The following PHC3 variants were observed in gnomAD, a reference collection of about 807,000 sequenced individuals.
The protein encoded by PHC3 is polyhomeotic-like protein 3.
A neutral mutation model predicts 107.4 loss-of-function variants in PHC3; 13 were observed. The observed-to-expected ratio is 0.12, with a 90% CI of 0.08 to 0.19. PHC3 has a LOEUF of 0.19. Among genes scored for constraint, PHC3 ranks in the 10% least tolerant of loss-of-function variants. The pLI is 1.00. For synonymous variants in PHC3, 456 were observed against 427.4 expected, an observed-to-expected ratio of 1.07 and a Z score of -0.83; for missense variants, 992 against 1,210.9, an observed-to-expected ratio of 0.82 and a Z score of 2.68.
At chr3:170,125,636 C>T (rs61031563) in intron 8 of PHC3, among the ~76,000 whole-genome samples, 50 of 152,194 alleles carry the variant, frequency 3.3e-4, no homozygotes, top group African/African-American at 1.2e-3. Flanking sequence ...AGAGCCATAA[C>T]ACAAATAGCA....
chr3:170,111,303 AAGGAAGG>A (rs1717632479), intron 11 of PHC3, among the ~76,000 whole-genome samples: 1 of 143,488 alleles, frequency 7.0e-6, no homozygotes. Flanking sequence ...GGAAGGAAGG[AAGGAAGG>A]AAGGAAGGAA....
At chr3:170,117,773 G>GATCCACC (rs2108380544) in intron 9 of PHC3, among the ~76,000 whole-genome samples, 1 of 151,668 alleles carries the variant, frequency 6.6e-6, no homozygotes, top group South Asian at 2.1e-4. Flanking sequence ...CAAGGTGGGT[G>GATCCACC]GATCACCTGA....
Position 170,129,148 on chromosome 3 carries a change from G to A in PHC3, c.1324C>T (p.Leu442Phe). 6.2e-7 allele frequency: 1 copy of A among 1,613,932 alleles called. No homozygotes were observed. The highest frequency in any genetic ancestry group is 1.1e-5 in the South Asian group (1 of 91,076). ...IQPHPLVSSA[L>F]QPGPNLQQST... ...TGCTGCAAATTTGGCCCTGGCTGGA[G>A]AGCTGATGACACAAGAGGGTGTGGC... Residue 442 changes from leucine to phenylalanine, a missense_variant, in exon 8 of 15, where the codon CTC (leucine) becomes TTC (phenylalanine). Leu to Phe is a conservative substitution (Grantham distance 22, BLOSUM62 0). Around this residue, in one of 6 missense-constraint regions of PHC3, gnomAD observed 543 missense variants for 590.8 expected, o/e 0.92. Transcript: ENST00000495893.
At chr3:170,124,243 C>T (rs1410086103) in intron 8 of PHC3, among the ~76,000 whole-genome samples, 1 of 152,090 alleles carries the variant, frequency 6.6e-6, no homozygotes, top group African/African-American at 2.4e-5. Context: ...ATTTACTTAA[C>T]CATTATTTAT....
chr3:170,181,724 C>G lies in PHC3; in HGVS notation c.-9G>C, dbSNP rs371170050. The G allele has an allele frequency of 3.1e-6, 5 of 1,612,744 alleles. No homozygotes were observed. In the African/African-American group the frequency reaches 6.7e-5, roughly 22 times the overall value. ...CACTCCGCTTCCGCCATCTTCTCTC[C>G]TCCATCACTAACATGGGCTGCGCAT... is the stretch of plus-strand genomic sequence containing the variant. On this transcript the variant is annotated 5_prime_UTR_variant, in exon 1 of 15. Transcript: ENST00000495893.
chr3:170,160,599 A>G (rs1237812353), intron 4 of PHC3, among the ~76,000 whole-genome samples: 2 of 152,238 alleles, frequency 1.3e-5, no homozygotes, highest in African/African-American at 4.8e-5. Flanking sequence ...CTGCATTGCA[A>G]TAATCAAGAA....
chr3:170,179,511 G>C (rs1287620973), intron 1 of PHC3, among the ~76,000 whole-genome samples: 1 of 152,036 alleles, frequency 6.6e-6, no homozygotes, highest in Admixed American at 6.5e-5. Context: ...AGTCTACAAC[G>C]CTGTCCTTAC....
chr3:170,111,384 GAGAA>G (rs903756848), intron 11 of PHC3, among the ~76,000 whole-genome samples: 6 of 141,614 alleles, frequency 4.2e-5, no homozygotes, highest in East Asian at 2.0e-4. Context: ...AAGAAAGAGA[GAGAA>G]AGAAAGAGGA....
At chr3:170,099,219 T>C (rs1328986043) in intron 14 of PHC3, among the ~76,000 whole-genome samples, 2 of 152,200 alleles carry the variant, frequency 1.3e-5, no homozygotes, top group East Asian at 3.8e-4. Context: ...GAGATTCCTC[T>C]TCAAATATCC....
Position 170,097,278 on chromosome 3 carries a change from G to A in PHC3, c.2940C>T (p.Gly980=). 1 of 1,613,464 alleles carries A rather than the reference G, an allele frequency of 6.2e-7. No individual in the cohort carries two copies. The highest frequency in any genetic ancestry group is 1.1e-5 in the South Asian group (1 of 91,050). The change falls in exon 15 of 15, where the codon GGC becomes GGT. Residue 980 remains glycine (G), a synonymous_variant. Transcript: ENST00000495893. The surrounding 1 kb of genome is among the most constrained non-coding windows in gnomAD (Gnocchi z 4.1). ...TGCGTGCACAGATCTTCAGGGCTGG[G>A]CCTAGCTTGATATTCATTGCACTCA... is the stretch of plus-strand genomic sequence containing the variant. ...HLMSAMNIKL[G]PALKICARIN... is the part of the protein sequence containing the mutation.
At position 170,113,256 on chromosome 3, in the gene PHC3, G is replaced by A. The variant is rs1234701013; in HGVS notation, c.2353+104C>T. Reference sequence around the variant, plus strand: ...GGTGCATTATATGAAAATAAAAGTTGAATACTTCCAGTGAAATTCTGTACA... The same window carrying A: ...GGTGCATTATATGAAAATAAAAGTTAAATACTTCCAGTGAAATTCTGTACA... On this transcript the variant is annotated intron_variant, in intron 11 of 14. Transcript: ENST00000495893. 5.4e-6 allele frequency: 6 copies of A among 1,105,048 alleles called. No homozygotes were observed. In the African/African-American group the frequency reaches 9.6e-5, roughly 18 times the overall value. 68.5% of individuals were successfully genotyped at this position (1,105,048 alleles called of 1,614,324 possible).
intron 2 of PHC3, among the ~76,000 whole-genome samples, chr3:170,178,060 T>G (rs540581934): frequency 6.6e-6 from 1 of 152,038 alleles, no homozygotes; most frequent in Non-Finnish European, 1.5e-5. Context: ...TAATCTCCAA[T>G]GCAACAGTGT....
chr3:170,157,212 A>G (rs1727034647), intron 4 of PHC3, among the ~76,000 whole-genome samples: 1 of 152,236 alleles, frequency 6.6e-6, no homozygotes. Flanking sequence ...AAAAGATCTC[A>G]AGACACACTG....
At chr3:170,102,973 T>C in intron 12 of PHC3, 39 bp from the exon 13 acceptor site, 1 of 1,551,350 alleles carries the variant, frequency 6.4e-7, no homozygotes, top group Non-Finnish European at 8.8e-7. Context: ...TAATGATATA[T>C]GGGACAATCC....
In PHC3 at chr3:170,092,908, C is replaced by G. The variant is rs1325638092; in HGVS notation, c.*4322G>C. The G allele has an allele frequency of 2.0e-5, 3 of 152,126 alleles. No homozygotes were observed. Among genetic ancestry groups the G allele is most frequent in the African/African-American group, 4.8e-5 (2 of 41,422 alleles). The allele number at this position is 152,126 out of a possible 1,614,324, so 9.4% of individuals were successfully genotyped here. A position where few individuals can be genotyped will look rare whatever the true frequency, so the allele number is the denominator to read the frequency against. ...AATCTTGACATATAAAAACTATAAC[C>G]TATTTACTGCTATAACTGGCATCTA... is the stretch of plus-strand genomic sequence containing the variant. On this transcript the variant is annotated 3_prime_UTR_variant, in exon 15 of 15. Transcript: ENST00000495893.
intron 1 of PHC3, 65 bp downstream of exon 1, chr3:170,181,637 G>A: frequency 6.2e-7 from 1 of 1,610,996 alleles, no homozygotes; most frequent in Non-Finnish European, 8.5e-7. Flanking sequence ...TTCCCCTGGG[G>A]GAACGTGTCG....
chr3:170,149,033 T>A (rs755022757), intron 5 of PHC3, 53 bp downstream of exon 5: 2 of 1,517,440 alleles, frequency 1.3e-6, no homozygotes, highest in South Asian at 2.4e-5. Context: ...CAAGAAACAT[T>A]TTGATCTCTC....
chr3:170,178,791 T>G lies in PHC3; in HGVS notation c.162A>C (p.Ser54=). The G allele has an allele frequency of 6.2e-7, 1 of 1,614,042 alleles. No individual in the cohort carries two copies. The highest frequency in any genetic ancestry group is 1.1e-5 in the South Asian group (1 of 91,088). The change falls in exon 2 of 15, where the codon TCA becomes TCC. Residue 54 remains serine, a synonymous_variant. Coordinates refer to ENST00000495893, the MANE Select transcript of PHC3 (RefSeq NM_024947.4). ...QQPQISVYSG[S]DRHAVQVIQQ... Reference sequence around the variant, plus strand: ...GAAATACCTGTACAGCATGTCGGTCTGAACCACTGTAGACAGAGATCTGTG... The same window carrying G: ...GAAATACCTGTACAGCATGTCGGTCGGAACCACTGTAGACAGAGATCTGTG...
chr3:170,173,397 G>A lies in PHC3; in HGVS notation c.181-685C>T, dbSNP rs78612017. On this transcript the variant is annotated intron_variant, in intron 2 of 14. Coordinates refer to ENST00000495893, the MANE Select transcript of PHC3 (RefSeq NM_024947.4). ...GGAAACCAATACTCCCATATTGCTA[G>A]TAAAAATTCAAGTTGGCATAACCTT... Among the ~76,000 whole-genome samples the A allele has an allele frequency of 5.8e-3, 879 of 152,262 alleles. 5 individuals are homozygous for A. Among genetic ancestry groups the A allele is most frequent in the African/African-American group, 0.021 (855 of 41,564 alleles).
Sources: allele counts gnomAD v4.1 joint callset (sites outside exome capture counted in the v4.1 genomes callset), GRCh38; gene constraint gnomAD v4.1.1; regional missense constraint gnomAD v4.1.1; non-coding constraint Gnocchi (gnomAD v3.1); transcripts MANE v1.5; gene names NCBI Gene and HGNC (gene_info 2026-07-23, HGNC 2026-07-21).